The following HSD17B12 variants were observed in gnomAD, a reference collection of about 807,000 sequenced individuals.
HSD17B12 encodes very-long-chain 3-oxoacyl-CoA reductase.
Under a neutral mutation model 39.3 loss-of-function variants are expected in HSD17B12, and 32 were observed. The ratio of observed to expected loss-of-function variants is 0.81; its 90% CI spans 0.61 to 1.09. HSD17B12 has a LOEUF of 1.09. Ranked by LOEUF, HSD17B12 falls within the 50% of genes least tolerant of loss-of-function variation. The probability of loss-of-function intolerance (pLI) is 0.00; values close to 1 mark genes in which losing one functional copy is unlikely to be tolerated. For missense variants in HSD17B12, 342 were observed against 382.9 expected (o/e 0.89, Z 0.89); for synonymous variants, 150 against 146.7 (o/e 1.02, Z -0.16).
chr11:43,718,685 A>G lies in HSD17B12; in HGVS notation c.161-32226A>G. On this transcript the variant is annotated intron_variant, in intron 1 of 10. Transcript: ENST00000278353. ...ATAGCCTTTTCACAAGATGGCGCTG[A>G]AAGCAAAGAAGGAAGCTCCTGCCCC... The G allele has an allele frequency of 4.8e-6, 4 of 831,586 alleles. No homozygotes were observed. The South Asian group carries it at 5.9e-5, about 12-fold the overall frequency. 51.5% of individuals were successfully genotyped at this position (831,586 alleles called of 1,614,324 possible).
At chr11:43,637,217 CTTTT>C in the HSD17B12 span, among the ~76,000 whole-genome samples, 3 of 109,472 alleles carry the variant, frequency 2.7e-5, no homozygotes, top group South Asian at 3.2e-4. Flanking sequence ...GGTGTTTTTC[CTTTT>C]TTTTTTTTTT....
the HSD17B12 span, among the ~76,000 whole-genome samples, chr11:43,559,921 CA>C: frequency 6.6e-6 from 1 of 152,144 alleles, no homozygotes; most frequent in Non-Finnish European, 1.5e-5. Context: ...GAACCTGGCA[CA>C]AAATGAACAC....
At chr11:43,624,159 C>G in the HSD17B12 span, among the ~76,000 whole-genome samples, 3 of 151,796 alleles carry the variant, frequency 2.0e-5, no homozygotes, top group Admixed American at 2.0e-4. Flanking sequence ...CTTCACTCTG[C>G]GAGTTTGAAG....
the HSD17B12 span, among the ~76,000 whole-genome samples, chr11:43,587,738 A>G: frequency 1.3e-5 from 2 of 152,174 alleles, no homozygotes; most frequent in African/African-American, 4.8e-5. Context: ...TATTCTTGGT[A>G]AAGTCGATGG....
At chr11:43,656,520 T>C in the HSD17B12 span, among the ~76,000 whole-genome samples, 1 of 152,220 alleles carries the variant, frequency 6.6e-6, no homozygotes, top group Non-Finnish European at 1.5e-5. Context: ...TCTTTCCTGC[T>C]TTCTCTTGTG....
chr11:43,824,839 T>C (rs1219170443), intron 6 of HSD17B12, among the ~76,000 whole-genome samples: 2 of 151,936 alleles, frequency 1.3e-5, no homozygotes, highest in African/African-American at 4.8e-5. Flanking sequence ...CTACCAAAAA[T>C]ACAAAAATTA....
At chr11:43,728,974 A>G (rs1482467730) in intron 1 of HSD17B12, among the ~76,000 whole-genome samples, 1 of 152,184 alleles carries the variant, frequency 6.6e-6, no homozygotes, top group African/African-American at 2.4e-5. Context: ...TATATACTAT[A>G]TCTATATGCT....
chr11:43,703,845 A>G (rs960160973), intron 1 of HSD17B12, among the ~76,000 whole-genome samples: 2 of 152,142 alleles, frequency 1.3e-5, no homozygotes, highest in South Asian at 4.1e-4. Flanking sequence ...TAACTTTAAA[A>G]AAAGAACAAC....
chr11:43,641,461 T>C, the HSD17B12 span, among the ~76,000 whole-genome samples: 1 of 152,048 alleles, frequency 6.6e-6, no homozygotes, highest in Non-Finnish European at 1.5e-5. Flanking sequence ...ACTATTTTGA[T>C]AAATTTGAAA....
the HSD17B12 span, among the ~76,000 whole-genome samples, chr11:43,628,106 G>A: frequency 1.3e-5 from 2 of 150,624 alleles, no homozygotes; most frequent in Admixed American, 6.6e-5. Context: ...CCATTTTGCT[G>A]AAGAAATTTC....
In HSD17B12 at chr11:43,690,388, A is replaced by ATTTTT. The variant is rs1232125962; in HGVS notation, c.160+9402_160+9403insTTTTT. Reference sequence around the variant, plus strand: ...TATATATATATATATATATATATATATATATATATATATATATTTTTTTTT... The same window carrying ATTTTT: ...TATATATATATATATATATATATATATTTTTTATATATATATATATATTTTTTTTT... On this transcript the variant is annotated intron_variant, in intron 1 of 10. Transcript: ENST00000278353. 3.5e-3 allele frequency among the ~76,000 whole-genome samples: 41 copies of ATTTTT among 11,792 alleles called. 16 individuals carry two copies. Among genetic ancestry groups the ATTTTT allele is most frequent in the South Asian group, 0.015 (4 of 270 alleles). 7.7% of individuals were successfully genotyped at this position (11,792 alleles called of 152,430 possible).
At chr11:43,589,773 G>A in the HSD17B12 span, among the ~76,000 whole-genome samples, 1 of 152,196 alleles carries the variant, frequency 6.6e-6, no homozygotes, top group Non-Finnish European at 1.5e-5. Context: ...AAACCTGTTG[G>A]TCAAGAACAA....
the HSD17B12 span, among the ~76,000 whole-genome samples, chr11:43,654,976 A>C: frequency 9.2e-5 from 14 of 152,180 alleles, no homozygotes; most frequent in Non-Finnish European, 1.6e-4. Context: ...ATGGCATTGA[A>C]TCTATAAATT....
the HSD17B12 span, among the ~76,000 whole-genome samples, chr11:43,613,770 G>A: frequency 2.6e-5 from 4 of 151,800 alleles, no homozygotes; most frequent in African/African-American, 7.2e-5. Flanking sequence ...GGGTTCAAGC[G>A]ATTCCCCTGC....
chr11:43,608,302 C>T, the HSD17B12 span, among the ~76,000 whole-genome samples: 62 of 150,524 alleles, frequency 4.1e-4, no homozygotes, highest in African/African-American at 1.5e-3. Flanking sequence ...GTCCAGGCTG[C>T]AGTGAGCTGT....
the HSD17B12 span, among the ~76,000 whole-genome samples, chr11:43,605,542 C>G: frequency 8.1e-6 from 1 of 123,372 alleles, no homozygotes; most frequent in East Asian, 2.3e-4. Flanking sequence ...GCCTGGGCAA[C>G]AAGAGCAAAA....
the HSD17B12 span, among the ~76,000 whole-genome samples, chr11:43,666,938 T>G: frequency 3.5e-3 from 534 of 152,332 alleles, 3 homozygotes; most frequent in Non-Finnish European, 5.7e-3. Context: ...AATAATTGCG[T>G]GTTTACTTTT....
At chr11:43,812,561 G>A (rs917965857) in intron 4 of HSD17B12, among the ~76,000 whole-genome samples, 23 of 152,120 alleles carry the variant, frequency 1.5e-4, no homozygotes, top group Admixed American at 5.9e-4. Flanking sequence ...TTTTTAATAA[G>A]TTTTCTTGTT....
At chr11:43,668,178 G>A in the HSD17B12 span, among the ~76,000 whole-genome samples, 1 of 152,192 alleles carries the variant, frequency 6.6e-6, no homozygotes, top group South Asian at 2.1e-4. Context: ...TGCCAACATG[G>A]ATCTCACTGG....
Sources: allele counts gnomAD v4.1 joint callset (sites outside exome capture counted in the v4.1 genomes callset), GRCh38; gene constraint gnomAD v4.1.1; transcripts MANE v1.5; gene names NCBI Gene and HGNC (gene_info 2026-07-23, HGNC 2026-07-21).